Variants in KIAA1328 observed in about 807,000 individuals in gnomAD.
KIAA1328 encodes KIAA1328, also known as protein hinderin.
Under a neutral mutation model 68.1 loss-of-function variants are expected in KIAA1328, and 52 were observed. That is an observed-to-expected ratio of 0.76 (90% CI 0.61 to 0.96). The LOEUF (loss-of-function observed/expected upper bound fraction) is 0.96, where lower values mean the gene tolerates loss of function less well. KIAA1328 is among the 40% of genes least tolerant of loss of function. KIAA1328 has a pLI of 0.00. For missense variants in KIAA1328, 641 were observed against 677.6 expected (o/e 0.95, Z 0.60); for synonymous variants, 232 against 239.4 (o/e 0.97, Z 0.28).
intron 4 of KIAA1328, among the ~76,000 whole-genome samples, chr18:36,844,785 T>C (rs1026721811): frequency 1.3e-4 from 19 of 151,920 alleles, no homozygotes; most frequent in African/African-American, 4.6e-4. Context: ...TTATTAGTGA[T>C]GTATATGAGG....
intron 5 of KIAA1328, among the ~76,000 whole-genome samples, chr18:36,896,314 C>G (rs2151017544): frequency 6.6e-6 from 1 of 152,146 alleles, no homozygotes; most frequent in South Asian, 2.1e-4. Flanking sequence ...AGCTAAGACC[C>G]TTTTAATATA....
intron 7 of KIAA1328, among the ~76,000 whole-genome samples, chr18:37,082,293 T>C (rs1207978196): frequency 6.7e-6 from 1 of 149,420 alleles, no homozygotes; most frequent in Non-Finnish European, 1.5e-5. Flanking sequence ...TGCCTCAGCC[T>C]CCCAAGTAGC....
chr18:36,876,465 G>A lies in KIAA1328; in HGVS notation c.333-9092G>A, dbSNP rs1448439568. 4.3e-4 allele frequency among the ~76,000 whole-genome samples: 65 copies of A among 152,104 alleles called. 1 individual carries two copies. Among genetic ancestry groups the A allele is most frequent in the Admixed American group, 4.2e-3 (64 of 15,268 alleles). On this transcript the variant is annotated intron_variant, in intron 4 of 9. Coordinates refer to ENST00000280020, the MANE Select transcript of KIAA1328 (RefSeq NM_020776.3). ...AGATTTTCTAGTGTATTTGTGTAGA[G>A]GTGTTTATAGTATTCTCTGATGGTA...
At chr18:37,019,467 G>C (rs561099005) in intron 6 of KIAA1328, among the ~76,000 whole-genome samples, 11 of 152,330 alleles carry the variant, frequency 7.2e-5, no homozygotes, top group Admixed American at 5.2e-4. Context: ...CAAGAACCAG[G>C]AACAACAGAT....
intron 4 of KIAA1328, among the ~76,000 whole-genome samples, chr18:36,877,967 C>A (rs1272928766): frequency 6.6e-6 from 1 of 152,040 alleles, no homozygotes; most frequent in Non-Finnish European, 1.5e-5. Context: ...GCACCCGGCC[C>A]AGTCTGTGTC....
At chr18:37,025,302 TAGAC>T (rs1428599646) in intron 6 of KIAA1328, among the ~76,000 whole-genome samples, 1 of 152,120 alleles carries the variant, frequency 6.6e-6, no homozygotes, top group African/African-American at 2.4e-5. Flanking sequence ...CTGTCAACAT[TAGAC>T]AGATCAACGA....
chr18:36,891,474 G>C (rs1291950699), intron 5 of KIAA1328, among the ~76,000 whole-genome samples: 1 of 152,062 alleles, frequency 6.6e-6, no homozygotes, highest in Non-Finnish European at 1.5e-5. Context: ...TCCCCCCTCT[G>C]CTGAGTCCCC....
At chr18:37,029,518 C>A (rs2054736072) in intron 6 of KIAA1328, among the ~76,000 whole-genome samples, 1 of 152,138 alleles carries the variant, frequency 6.6e-6, no homozygotes, top group African/African-American at 2.4e-5. Flanking sequence ...GGACCACAGA[C>A]AAGCACCACC....
At chr18:36,993,302 C>G (rs529379774) in intron 6 of KIAA1328, among the ~76,000 whole-genome samples, 100 of 152,316 alleles carry the variant, frequency 6.6e-4, no homozygotes, top group African/African-American at 2.4e-3. Flanking sequence ...ACATCTTACA[C>G]TCTATGACTA....
chr18:36,963,134 A>G lies in KIAA1328; in HGVS notation c.576+3699A>G, dbSNP rs750564702. 1.3e-5 allele frequency among the ~76,000 whole-genome samples: 2 copies of G among 152,238 alleles called. 1 individual carries two copies. Among genetic ancestry groups the G allele is most frequent in the African/African-American group, 4.8e-5 (2 of 41,464 alleles). On this transcript the variant is annotated intron_variant, in intron 6 of 9. Coordinates refer to ENST00000280020, the MANE Select transcript of KIAA1328 (RefSeq NM_020776.3). ...TTCTTCTGTTCTGTTTTCTTAAAACATAGCTGATAAAAAGAGGCAGAGGAA... is the reference window on the plus strand; with the variant it reads ...TTCTTCTGTTCTGTTTTCTTAAAACGTAGCTGATAAAAAGAGGCAGAGGAA...
At chr18:36,844,639 T>C (rs2046968208) in intron 4 of KIAA1328, among the ~76,000 whole-genome samples, 1 of 151,994 alleles carries the variant, frequency 6.6e-6, no homozygotes, top group South Asian at 2.1e-4. Flanking sequence ...CAGTTACCTT[T>C]GATTTTTCCT....
chr18:36,891,492 G>A (rs1036293598), intron 5 of KIAA1328, among the ~76,000 whole-genome samples: 12 of 152,036 alleles, frequency 7.9e-5, no homozygotes, highest in African/African-American at 2.9e-4. Context: ...CCCAAAGTCC[G>A]TTATATCATT....
chr18:36,967,551 A>G (rs1420078900), intron 6 of KIAA1328, among the ~76,000 whole-genome samples: 1 of 152,174 alleles, frequency 6.6e-6, no homozygotes, highest in Non-Finnish European at 1.5e-5. Flanking sequence ...TTTTGGAAAA[A>G]TAGAGGAAGA....
chr18:37,131,284 A>T (rs747166263), intron 7 of KIAA1328, among the ~76,000 whole-genome samples: 15 of 152,164 alleles, frequency 9.9e-5, no homozygotes, highest in African/African-American at 3.6e-4. Context: ...GGGCCACTGG[A>T]GATTCAAAGT....
intron 9 of KIAA1328, among the ~76,000 whole-genome samples, chr18:37,218,002 C>T (rs1418393718): frequency 2.0e-5 from 3 of 152,164 alleles, no homozygotes; most frequent in Non-Finnish European, 4.4e-5. Context: ...GGCTAATGCT[C>T]AAAATTCTCT....
At chr18:36,893,131 C>A (rs921477419) in intron 5 of KIAA1328, among the ~76,000 whole-genome samples, 1 of 152,056 alleles carries the variant, frequency 6.6e-6, no homozygotes, top group Admixed American at 6.6e-5. Context: ...GGTTAAGTTA[C>A]TCTTTAATAA....
At chr18:36,906,262 A>G (rs2049217063) in intron 5 of KIAA1328, among the ~76,000 whole-genome samples, 1 of 152,104 alleles carries the variant, frequency 6.6e-6, no homozygotes, top group South Asian at 2.1e-4. Context: ...GTTTTAACAA[A>G]TACAAAGTGT....
At chr18:37,004,647 G>A (rs113771619) in intron 6 of KIAA1328, among the ~76,000 whole-genome samples, 2 of 152,060 alleles carry the variant, frequency 1.3e-5, no homozygotes, top group Non-Finnish European at 2.9e-5. Context: ...CTATACTGTT[G>A]GTAGGAATGT....
chr18:37,037,155 A>G (rs538861128), intron 6 of KIAA1328, among the ~76,000 whole-genome samples: 45 of 152,118 alleles, frequency 3.0e-4, no homozygotes, highest in Non-Finnish European at 4.9e-4. Flanking sequence ...CGTAACTATT[A>G]TATAGGGATT....
Sources: gnomAD v4.1 joint callset for allele counts (sites outside exome capture counted in the v4.1 genomes callset) on GRCh38, gnomAD v4.1.1 for gene constraint, MANE v1.5 for transcripts, NCBI Gene and HGNC (gene_info 2026-07-23, HGNC 2026-07-21) for gene names.